SLC39A11: variants seen among roughly 807,000 people sequenced by gnomAD.
The protein encoded by SLC39A11 is solute carrier family 39 member 11, also known as zinc transporter ZIP11.
A neutral mutation model predicts 36.1 loss-of-function variants in SLC39A11; 33 were observed. The observed-to-expected ratio is 0.91, with a 90% CI of 0.69 to 1.22. SLC39A11 has a LOEUF of 1.22. Among genes scored for constraint, SLC39A11 ranks in the 50% most tolerant of loss-of-function variants. SLC39A11 has a pLI of 0.00. For missense variants in SLC39A11, 432 were observed against 430.3 expected, an observed-to-expected ratio of 1.00 and a Z score of -0.03; for synonymous variants, 166 against 170.3, an observed-to-expected ratio of 0.97 and a Z score of 0.20.
At chr17:72,997,373 C>T (rs1239072152) in intron 4 of SLC39A11, among the ~76,000 whole-genome samples, 6 of 152,162 alleles carry the variant, frequency 3.9e-5, no homozygotes, top group African/African-American at 2.4e-5. Context: ...CCTGCCTCAG[C>T]CTCCAGAGAA....
chr17:73,048,724 T>C (rs972187719), intron 3 of SLC39A11, among the ~76,000 whole-genome samples: 1 of 152,162 alleles, frequency 6.6e-6, no homozygotes, highest in Admixed American at 6.5e-5. Flanking sequence ...TTAAATGAGA[T>C]TATGTGTGCC....
chr17:72,741,486 C>T (rs976376356), intron 6 of SLC39A11, among the ~76,000 whole-genome samples: 4 of 152,032 alleles, frequency 2.6e-5, no homozygotes, highest in South Asian at 2.1e-4. Context: ...AGACTAGTAT[C>T]GACACATATA....
chr17:72,702,142 A>G (rs1186929507), intron 7 of SLC39A11, among the ~76,000 whole-genome samples: 1 of 152,202 alleles, frequency 6.6e-6, no homozygotes, highest in Non-Finnish European at 1.5e-5. Context: ...GACATTTCTC[A>G]GGGTGGACAG....
intron 5 of SLC39A11, among the ~76,000 whole-genome samples, chr17:72,888,215 T>C (rs1006698231): frequency 2.6e-5 from 4 of 152,244 alleles, no homozygotes; most frequent in African/African-American, 9.6e-5. Flanking sequence ...AGTCTAAACT[T>C]ATTTTGTTCC....
In SLC39A11 at chr17:72,729,457, A is replaced by ATTTTTTTTTTTT. The variant is rs55729197; in HGVS notation, c.671+7181_671+7192dup. On this transcript the variant is annotated intron_variant, in intron 7 of 9. Transcript: ENST00000255559. ...TATATATATATATATATATATATAT[A>ATTTTTTTTTTTT]TTTTTTTTTTTTTTTTTTTTTGTAG... Among the ~76,000 whole-genome samples the ATTTTTTTTTTTT allele has an allele frequency of 8.3e-4, 6 of 7,232 alleles. 1 individual carries two copies. The highest frequency in any genetic ancestry group is 1.3e-3 in the Non-Finnish European group (4 of 3,144). 4.7% of individuals were successfully genotyped at this position (7,232 alleles called of 152,430 possible). A position where few individuals can be genotyped will look rare whatever the true frequency, so the allele number is the denominator to read the frequency against.
Position 73,036,530 on chromosome 17 carries a change from G to T in SLC39A11, c.148-4816C>A, listed in dbSNP as rs367607342. Reference sequence around the variant, plus strand: ...AGCGTAATCTCAGCTCACTGCAACCGCTGCCTCCCATGTTCAAGTAATTCT... The same window carrying T: ...AGCGTAATCTCAGCTCACTGCAACCTCTGCCTCCCATGTTCAAGTAATTCT... On this transcript the variant is annotated intron_variant, in intron 3 of 9. Coordinates refer to ENST00000255559, the MANE Select transcript of SLC39A11 (RefSeq NM_139177.4). Among the ~76,000 whole-genome samples the T allele has an allele frequency of 7.2e-5, 11 of 152,074 alleles. No homozygotes were observed. The East Asian group carries it at 1.2e-3, about 16-fold the overall frequency.
intron 5 of SLC39A11, among the ~76,000 whole-genome samples, chr17:72,946,810 A>G (rs1334897698): frequency 6.6e-6 from 1 of 152,202 alleles, no homozygotes; most frequent in Non-Finnish European, 1.5e-5. Flanking sequence ...CAAGAAGGAG[A>G]GGCGTCTGAC....
At chr17:73,047,966 CAAAAAA>C (rs1165334910) in intron 3 of SLC39A11, among the ~76,000 whole-genome samples, 2 of 20,492 alleles carry the variant, frequency 9.8e-5, no homozygotes, top group African/African-American at 1.8e-4. Flanking sequence ...GACTCCATCT[CAAAAAA>C]AAAAAAAAAA....
At chr17:72,989,355 A>G (rs562087237) in intron 4 of SLC39A11, among the ~76,000 whole-genome samples, 1 of 152,344 alleles carries the variant, frequency 6.6e-6, no homozygotes, top group East Asian at 1.9e-4. Context: ...TTGCAATGAA[A>G]TGATTTTACC....
At chr17:73,047,145 C>T (rs1303291487) in intron 3 of SLC39A11, among the ~76,000 whole-genome samples, 3 of 151,932 alleles carry the variant, frequency 2.0e-5, no homozygotes, top group Non-Finnish European at 4.4e-5. Flanking sequence ...CCGCCTCAGC[C>T]TCCCGAGTAG....
chr17:73,079,298 T>A (rs1459197132), intron 3 of SLC39A11, among the ~76,000 whole-genome samples: 1 of 152,270 alleles, frequency 6.6e-6, no homozygotes, highest in East Asian at 1.9e-4. Flanking sequence ...GGTTTCACCA[T>A]GTTGGTCACG....
In SLC39A11 at chr17:73,048,002, T is replaced by A. The variant is rs1399228317; in HGVS notation, c.148-16288A>T. On this transcript the variant is annotated intron_variant, in intron 3 of 9. Transcript: ENST00000255559. ...AAAAAAAAAAAAAAATATATATATA[T>A]ATATATATATATATATATATATATC... 5.0e-3 allele frequency among the ~76,000 whole-genome samples: 318 copies of A among 63,060 alleles called. 1 individual carries two copies. Among genetic ancestry groups the A allele is most frequent in the East Asian group, 0.017 (41 of 2,412 alleles). 41.4% of individuals were successfully genotyped at this position (63,060 alleles called of 152,430 possible).
intron 6 of SLC39A11, among the ~76,000 whole-genome samples, chr17:72,838,790 A>G (rs911426867): frequency 3.3e-5 from 5 of 152,158 alleles, no homozygotes; most frequent in Non-Finnish European, 7.3e-5. Context: ...AAAGAATGTC[A>G]GCTATAATCA....
intron 5 of SLC39A11, among the ~76,000 whole-genome samples, chr17:72,902,581 C>T: frequency 6.6e-6 from 1 of 152,230 alleles, no homozygotes; most frequent in East Asian, 1.9e-4. Context: ...GAAATGAATG[C>T]AGTTGCTAAG....
At position 73,068,036 on chromosome 17, in the gene SLC39A11, A is replaced by G. The variant is rs1568220258; in HGVS notation, c.147+16772T>C. On this transcript the variant is annotated intron_variant, in intron 3 of 9. Transcript: ENST00000255559. ...TTTAAGAAACTTTTTGATGAAGTCA[A>G]TGAGTCCTTGGATGGTTCATGTTCG... 9 of 1,587,352 alleles carry G rather than the reference A, an allele frequency of 5.7e-6. No homozygotes were observed. The Admixed American group carries it at 1.0e-4, about 18-fold the overall frequency.
chr17:72,778,692 A>G (rs1416172257), intron 6 of SLC39A11, among the ~76,000 whole-genome samples: 2 of 152,232 alleles, frequency 1.3e-5, no homozygotes, highest in Non-Finnish European at 2.9e-5. Flanking sequence ...TATGGATGAC[A>G]TATGGTCATT....
At chr17:73,030,378 C>G (rs2058700987) in intron 4 of SLC39A11, among the ~76,000 whole-genome samples, 1 of 152,202 alleles carries the variant, frequency 6.6e-6, no homozygotes. Context: ...TAGCCCAGGA[C>G]CTAGAGGCAT....
chr17:72,924,097 A>G (rs964311496), intron 5 of SLC39A11, among the ~76,000 whole-genome samples: 3 of 151,052 alleles, frequency 2.0e-5, no homozygotes, highest in African/African-American at 7.3e-5. Flanking sequence ...CAGTGAGCCA[A>G]ATGGCACCAC....
chr17:72,725,797 C>T (rs1470818765), intron 7 of SLC39A11, among the ~76,000 whole-genome samples: 1 of 152,124 alleles, frequency 6.6e-6, no homozygotes, highest in African/African-American at 2.4e-5. Context: ...CTCTAGAATT[C>T]CAGACAGGGT....
Sources: gnomAD v4.1 joint callset for allele counts (sites outside exome capture counted in the v4.1 genomes callset) on GRCh38, gnomAD v4.1.1 for gene constraint, MANE v1.5 for transcripts, NCBI Gene and HGNC (gene_info 2026-07-23, HGNC 2026-07-21) for gene names.